AUTS2: variants seen among roughly 807,000 people sequenced by gnomAD.
The protein encoded by AUTS2 is activator of transcription and developmental regulator AUTS2, also known as autism susceptibility gene 2 protein.
In AUTS2, 17 loss-of-function variants were observed where a neutral mutation model predicts 112.4. That is an observed-to-expected ratio of 0.15 (90% CI 0.10 to 0.23). The LOEUF is 0.23. Ranked by LOEUF, AUTS2 falls within the 10% of genes least tolerant of loss-of-function variation. The pLI, the probability that AUTS2 is intolerant of heterozygous loss-of-function variation, is 1.00. For missense variants in AUTS2, 1,510 were observed against 1,701.6 expected, an observed-to-expected ratio of 0.89 and a Z score of 1.98; for synonymous variants, 751 against 702.7, an observed-to-expected ratio of 1.07 and a Z score of -1.09.
chr7:70,134,032 C>A (rs746369766), intron 3 of AUTS2, among the ~76,000 whole-genome samples: 1 of 152,100 alleles, frequency 6.6e-6, no homozygotes, highest in African/African-American at 2.4e-5. Flanking sequence ...TAACTGATGC[C>A]TTTAGGGAAT....
At chr7:70,188,328 G>A (rs1020346699) in intron 4 of AUTS2, among the ~76,000 whole-genome samples, 3 of 152,192 alleles carry the variant, frequency 2.0e-5, no homozygotes, top group Admixed American at 2.0e-4. Context: ...TCTTTGAGGA[G>A]GAAGAGGCAG....
At chr7:70,773,653 A>G (rs982825303) in intron 11 of AUTS2, among the ~76,000 whole-genome samples, 11 of 152,244 alleles carry the variant, frequency 7.2e-5, no homozygotes, top group Non-Finnish European at 5.9e-5. Context: ...TGTTCACTTA[A>G]GCGTTTCTTG....
chr7:70,209,807 A>G (rs1047896156), intron 4 of AUTS2, among the ~76,000 whole-genome samples: 1 of 152,154 alleles, frequency 6.6e-6, no homozygotes, highest in Non-Finnish European at 1.5e-5. Context: ...CTAGCACCCA[A>G]GGTGTTTCTT....
chr7:70,244,463 G>T (rs1562816338), intron 4 of AUTS2, among the ~76,000 whole-genome samples: 1 of 152,112 alleles, frequency 6.6e-6, no homozygotes, highest in Admixed American at 6.6e-5. Context: ...ATGTTTCTTT[G>T]TAATAAGCAA....
chr7:69,817,725 G>C (rs1323776394), intron 1 of AUTS2, among the ~76,000 whole-genome samples: 2 of 152,152 alleles, frequency 1.3e-5, no homozygotes, highest in Non-Finnish European at 2.9e-5. Context: ...TTTAAACCAT[G>C]GCCTGCCTTG....
intron 5 of AUTS2, among the ~76,000 whole-genome samples, chr7:70,664,387 G>C (rs910440945): frequency 6.6e-6 from 1 of 152,282 alleles, no homozygotes; most frequent in East Asian, 1.9e-4. Flanking sequence ...TGTTGAACTT[G>C]TAAAGTGATG....
intron 4 of AUTS2, among the ~76,000 whole-genome samples, chr7:70,169,224 T>C (rs1177212471): frequency 6.6e-6 from 1 of 152,048 alleles, no homozygotes; most frequent in Non-Finnish European, 1.5e-5. Context: ...ACAGAGCTTA[T>C]GTCAAATGAT....
intron 5 of AUTS2, among the ~76,000 whole-genome samples, chr7:70,527,443 G>C (rs1799886742): frequency 6.6e-6 from 1 of 152,072 alleles, no homozygotes; most frequent in Non-Finnish European, 1.5e-5. Flanking sequence ...TTACTCACCA[G>C]TTTTAAGTAT....
chr7:69,721,751 G>T (rs1278732888), intron 1 of AUTS2, among the ~76,000 whole-genome samples: 3 of 152,196 alleles, frequency 2.0e-5, no homozygotes, highest in Non-Finnish European at 4.4e-5. Flanking sequence ...TGATAAAGAG[G>T]AGTTTTGTTC....
chr7:70,157,184 A>T (rs1221500930), intron 4 of AUTS2, among the ~76,000 whole-genome samples: 1 of 151,828 alleles, frequency 6.6e-6, no homozygotes, highest in African/African-American at 2.4e-5. Flanking sequence ...CTTTTCTGAT[A>T]AACTGTTCCA....
At chr7:69,677,471 G>A (rs2533428) in intron 1 of AUTS2, among the ~76,000 whole-genome samples, 1 of 151,980 alleles carries the variant, frequency 6.6e-6, no homozygotes, top group Admixed American at 6.5e-5. Flanking sequence ...CTTTGCCAGC[G>A]TTTCCCTTCT....
chr7:69,738,252 T>A (rs909397648), intron 1 of AUTS2, among the ~76,000 whole-genome samples: 2 of 152,052 alleles, frequency 1.3e-5, no homozygotes, highest in Admixed American at 6.6e-5. Flanking sequence ...TTCTCTCCTT[T>A]TTCATCCCCT....
At chr7:70,595,898 G>C (rs1803172475) in intron 5 of AUTS2, among the ~76,000 whole-genome samples, 1 of 151,994 alleles carries the variant, frequency 6.6e-6, no homozygotes, top group African/African-American at 2.4e-5. Context: ...GGGCTGCTTC[G>C]GGGCGGCCCT....
chr7:69,961,085 T>A (rs1034248816), intron 2 of AUTS2, among the ~76,000 whole-genome samples: 7 of 152,150 alleles, frequency 4.6e-5, no homozygotes, highest in Admixed American at 2.6e-4. Context: ...TGTCCATGTG[T>A]TCGCTAACTC....
At chr7:69,987,171 G>A (rs1009360088) in intron 2 of AUTS2, among the ~76,000 whole-genome samples, 2 of 152,176 alleles carry the variant, frequency 1.3e-5, no homozygotes, top group Non-Finnish European at 2.9e-5. Context: ...GGAGTGATTT[G>A]CTACTATAAT....
intron 5 of AUTS2, among the ~76,000 whole-genome samples, chr7:70,629,615 C>T (rs1486605688): frequency 6.6e-6 from 1 of 152,180 alleles, no homozygotes; most frequent in Non-Finnish European, 1.5e-5. Flanking sequence ...CGTCTCAGAT[C>T]ATGGCAGCTG....
intron 2 of AUTS2, among the ~76,000 whole-genome samples, chr7:69,918,219 T>C (rs1476890142): frequency 1.3e-5 from 2 of 152,194 alleles, no homozygotes; most frequent in Non-Finnish European, 2.9e-5. Context: ...AAATGAATTT[T>C]AGAGGACCAG....
intron 5 of AUTS2, among the ~76,000 whole-genome samples, chr7:70,560,273 T>C (rs753126472): frequency 1.1e-4 from 17 of 152,332 alleles, no homozygotes; most frequent in Non-Finnish European, 2.2e-4. Context: ...TTCACAGCAC[T>C]GAGCCAACAT....
chr7:70,047,062 C>T (rs766850742), intron 2 of AUTS2, among the ~76,000 whole-genome samples: 3 of 151,988 alleles, frequency 2.0e-5, no homozygotes, highest in South Asian at 4.2e-4. Flanking sequence ...TTATGCAGTT[C>T]GGGGGTGATC....
Sources: allele counts gnomAD v4.1 joint callset (sites outside exome capture counted in the v4.1 genomes callset), GRCh38; gene constraint gnomAD v4.1.1; transcripts MANE v1.5; gene names NCBI Gene and HGNC (gene_info 2026-07-23, HGNC 2026-07-21).